OTOGL: variants seen among roughly 807,000 people sequenced by gnomAD.
The protein encoded by OTOGL is otogelin like.
OTOGL carries 285 observed loss-of-function variants against 318.5 expected under a neutral mutation model. The observed-to-expected ratio is 0.89, with a 90% CI of 0.81 to 0.99. The LOEUF (loss-of-function observed/expected upper bound fraction) is 0.99. Among genes scored for constraint, OTOGL ranks in the 50% least tolerant of loss-of-function variants. The pLI, the probability that OTOGL is intolerant of heterozygous loss-of-function variation, is 0.00. For missense variants in OTOGL, 2,899 were observed against 2,845.6 expected (o/e 1.02, Z -0.43); for synonymous variants, 987 against 936.5 (o/e 1.05, Z -0.99).
chr12:80,322,920 T>TGGCAA (rs1245613512), intron 34 of OTOGL, among the ~76,000 whole-genome samples: 1 of 152,228 alleles, frequency 6.6e-6, no homozygotes, highest in Non-Finnish European at 1.5e-5. Flanking sequence ...TGTTTGAACT[T>TGGCAA]GGCAAGTTTC....
At chr12:80,320,103 T>C (rs1887224292) in intron 33 of OTOGL, among the ~76,000 whole-genome samples, 1 of 152,202 alleles carries the variant, frequency 6.6e-6, no homozygotes, top group Non-Finnish European at 1.5e-5. Flanking sequence ...ATTTCTTGTA[T>C]GAAATTGTAC....
intron 1 of OTOGL, among the ~76,000 whole-genome samples, chr12:80,148,958 AT>A (rs931123495): frequency 6.6e-6 from 1 of 151,746 alleles, no homozygotes. Context: ...CATTATTCTA[AT>A]TTTTTTTCAA....
intron 44 of OTOGL, among the ~76,000 whole-genome samples, chr12:80,351,300 T>TG (rs1316350028): frequency 4.0e-5 from 6 of 151,820 alleles, no homozygotes; most frequent in Non-Finnish European, 7.4e-5. Flanking sequence ...GTTTTTTTTT[T>TG]TTTTTTGTTG....
chr12:80,275,770 C>T (rs1490138020), intron 24 of OTOGL, among the ~76,000 whole-genome samples: 4 of 151,566 alleles, frequency 2.6e-5, no homozygotes, highest in African/African-American at 9.7e-5. Context: ...CAGCAGCCAT[C>T]AACATTGAAG....
chr12:80,310,791 G>C, intron 30 of OTOGL, 64 bp downstream of exon 30: 6 of 1,301,688 alleles, frequency 4.6e-6, no homozygotes, highest in Non-Finnish European at 6.4e-6. Context: ...TAATACTGAG[G>C]TGAACACGAC....
At chr12:80,337,358 AG>A (rs990850632) in intron 42 of OTOGL, among the ~76,000 whole-genome samples, 43 of 152,204 alleles carry the variant, frequency 2.8e-4, no homozygotes, top group African/African-American at 9.6e-4. Context: ...GATGTGGAAA[AG>A]CATAGTAGCC....
At chr12:80,140,535 A>G (rs1208152747) in intron 1 of OTOGL, among the ~76,000 whole-genome samples, 1 of 152,212 alleles carries the variant, frequency 6.6e-6, no homozygotes, top group African/African-American at 2.4e-5. Flanking sequence ...TTAAAAAGTG[A>G]GGACTCTGGA....
intron 1 of OTOGL, among the ~76,000 whole-genome samples, chr12:80,163,265 G>T (rs1159031832): frequency 6.6e-6 from 1 of 152,076 alleles, no homozygotes; most frequent in African/African-American, 2.4e-5. Flanking sequence ...TGAACAAATA[G>T]TTTATGAGAT....
At chr12:80,190,872 T>C (rs976059233) in intron 1 of OTOGL, among the ~76,000 whole-genome samples, 8 of 149,456 alleles carry the variant, frequency 5.4e-5, no homozygotes, top group African/African-American at 1.0e-4. Context: ...TTTTTAAAAA[T>C]AGTTCTTCCT....
At chr12:80,279,593 C>G (rs1473256631) in intron 26 of OTOGL, among the ~76,000 whole-genome samples, 1 of 151,330 alleles carries the variant, frequency 6.6e-6, no homozygotes, top group Non-Finnish European at 1.5e-5. Flanking sequence ...TAATGGTCTC[C>G]AGCTGCATCC....
At chr12:80,368,601 C>A (rs1890697590) in intron 55 of OTOGL, among the ~76,000 whole-genome samples, 1 of 152,008 alleles carries the variant, frequency 6.6e-6, no homozygotes, top group African/African-American at 2.4e-5. Context: ...AAGAAAGGAA[C>A]AATTAATATT....
At chr12:80,133,078 T>A (rs755192970) in intron 1 of OTOGL, among the ~76,000 whole-genome samples, 7 of 152,194 alleles carry the variant, frequency 4.6e-5, no homozygotes, top group Non-Finnish European at 7.3e-5. Context: ...ATTTAATTAT[T>A]TTTAATTGCC....
intron 1 of OTOGL, among the ~76,000 whole-genome samples, chr12:80,192,393 A>G (rs755000402): frequency 1.8e-4 from 27 of 152,166 alleles, no homozygotes; most frequent in Non-Finnish European, 4.0e-4. Flanking sequence ...CCTCCTCCCC[A>G]TGGAATTCTC....
intron 1 of OTOGL, among the ~76,000 whole-genome samples, chr12:80,145,941 G>C (rs1284469653): frequency 8.3e-6 from 1 of 120,770 alleles, no homozygotes; most frequent in East Asian, 2.2e-4. Flanking sequence ...TTGCTTATCA[G>C]CTGAAGGAGA....
chr12:80,112,849 C>G (rs1237101204), intron 1 of OTOGL, among the ~76,000 whole-genome samples: 1 of 151,888 alleles, frequency 6.6e-6, no homozygotes, highest in Non-Finnish European at 1.5e-5. Context: ...CCTCTTTGGA[C>G]CTCTGGTGGA....
At chr12:80,284,226 A>C (rs1000234166) in intron 26 of OTOGL, among the ~76,000 whole-genome samples, 5 of 152,056 alleles carry the variant, frequency 3.3e-5, no homozygotes, top group Non-Finnish European at 7.4e-5. Flanking sequence ...TTTTATGGCT[A>C]CATAGTATCC....
At chr12:80,161,239 A>C (rs1223135872) in intron 1 of OTOGL, among the ~76,000 whole-genome samples, 1 of 152,110 alleles carries the variant, frequency 6.6e-6, no homozygotes, top group Non-Finnish European at 1.5e-5. Context: ...GAAATAAAAA[A>C]ATTTTTAAAA....
chr12:80,186,995 G>A (rs1312013787), intron 1 of OTOGL, among the ~76,000 whole-genome samples: 1 of 152,096 alleles, frequency 6.6e-6, no homozygotes, highest in Non-Finnish European at 1.5e-5. Context: ...AAGATTGTTT[G>A]TTTATGGAGA....
intron 26 of OTOGL, among the ~76,000 whole-genome samples, chr12:80,295,937 C>T (rs1309644690): frequency 8.1e-6 from 1 of 123,930 alleles, no homozygotes; most frequent in African/African-American, 2.8e-5. Context: ...CTGAAGAAAC[C>T]TATCCATTAA....
Sources: gnomAD v4.1 joint callset for allele counts (sites outside exome capture counted in the v4.1 genomes callset) on GRCh38, gnomAD v4.1.1 for gene constraint, MANE v1.5 for transcripts, NCBI Gene and HGNC (gene_info 2026-07-23, HGNC 2026-07-21) for gene names.